The following CAMSAP2 variants were observed in gnomAD, a reference collection of about 807,000 sequenced individuals.
The protein encoded by CAMSAP2 is calmodulin-regulated spectrin-associated protein 2.
CAMSAP2 carries 26 observed loss-of-function variants against 146.1 expected under a neutral mutation model. The observed-to-expected ratio is 0.18, with a 90% confidence interval of 0.13 to 0.25. CAMSAP2 has a LOEUF of 0.25. CAMSAP2 is among the 10% of genes least tolerant of loss of function. The pLI, the probability that CAMSAP2 is intolerant of heterozygous loss-of-function variation, is 1.00. For missense variants in CAMSAP2, 1,381 were observed against 1,759.3 expected (o/e 0.78, Z 3.85); for synonymous variants, 499 against 596.6 (o/e 0.84, Z 2.38).
chr1:200,784,940 A>G (rs1558176283), intron 2 of CAMSAP2, among the ~76,000 whole-genome samples: 1 of 152,222 alleles, frequency 6.6e-6, no homozygotes, highest in African/African-American at 2.4e-5. Flanking sequence ...GCTAAGAAAT[A>G]TATGTATGTT....
chr1:200,839,559 A>C (rs781346040), intron 6 of CAMSAP2, among the ~76,000 whole-genome samples: 1 of 152,182 alleles, frequency 6.6e-6, no homozygotes, highest in African/African-American at 2.4e-5. Flanking sequence ...AGCAATTTGG[A>C]TGGAATTGGA....
chr1:200,760,758 C>T, intron 1 of CAMSAP2, 81 bp from the exon 2 acceptor site: 3 of 1,018,316 alleles, frequency 2.9e-6, no homozygotes, highest in South Asian at 2.0e-5. Flanking sequence ...AATTCTATGA[C>T]ATAAATAATA....
chr1:200,761,149 G>T, intron 2 of CAMSAP2, 51 bp downstream of exon 2: 1 of 1,517,096 alleles, frequency 6.6e-7, no homozygotes, highest in South Asian at 1.1e-5. Context: ...GTGTACTTTT[G>T]AGTGTGAATG....
chr1:200,819,740 A>C (rs937109507), intron 4 of CAMSAP2, among the ~76,000 whole-genome samples: 2 of 152,174 alleles, frequency 1.3e-5, no homozygotes, highest in African/African-American at 2.4e-5. Flanking sequence ...TGAGACAAAA[A>C]CAAAAGGTTG....
chr1:200,836,801 G>A (rs1157585502), intron 6 of CAMSAP2, among the ~76,000 whole-genome samples: 1 of 152,054 alleles, frequency 6.6e-6, no homozygotes, highest in Admixed American at 6.5e-5. Context: ...GTGTGAGATG[G>A]TATCTCATTG....
chr1:200,792,461 A>G (rs954236713), intron 2 of CAMSAP2, among the ~76,000 whole-genome samples: 4 of 152,132 alleles, frequency 2.6e-5, no homozygotes, highest in Admixed American at 6.6e-5. Context: ...CCTGGCCAAC[A>G]TGGTGAAACC....
At chr1:200,793,239 A>G (rs1202819862) in intron 2 of CAMSAP2, among the ~76,000 whole-genome samples, 1 of 152,188 alleles carries the variant, frequency 6.6e-6, no homozygotes, top group Non-Finnish European at 1.5e-5. Context: ...CTGCCTTATA[A>G]ATAGGTGTGA....
intron 7 of CAMSAP2, 98 bp downstream of exon 7, chr1:200,842,185 AT>A (rs149419826): frequency 9.5e-3 from 7,086 of 744,410 alleles, no homozygotes; most frequent in Non-Finnish European, 0.011. Flanking sequence ...TCAGCCTATT[AT>A]TTTTTTTTTA....
chr1:200,782,396 A>G (rs890342097), intron 2 of CAMSAP2, among the ~76,000 whole-genome samples: 1 of 152,230 alleles, frequency 6.6e-6, no homozygotes, highest in Admixed American at 6.5e-5. Flanking sequence ...TGTAGATACC[A>G]CTACAGTTGA....
At chr1:200,813,300 G>A (rs556727181) in intron 3 of CAMSAP2, among the ~76,000 whole-genome samples, 2 of 152,308 alleles carry the variant, frequency 1.3e-5, no homozygotes, top group South Asian at 2.1e-4. Flanking sequence ...GCCCCGAAAG[G>A]CTACACCTCT....
intron 2 of CAMSAP2, among the ~76,000 whole-genome samples, chr1:200,806,763 G>GTATCTA (rs747690657): frequency 8.3e-4 from 98 of 117,742 alleles, no homozygotes; most frequent in Middle Eastern, 4.3e-3. Flanking sequence ...GTGTGTGTGT[G>GTATCTA]TGTATCTATC....
chr1:200,746,441 T>C (rs1664325880), intron 1 of CAMSAP2, among the ~76,000 whole-genome samples: 1 of 152,068 alleles, frequency 6.6e-6, no homozygotes, highest in Non-Finnish European at 1.5e-5. Flanking sequence ...AGAGGGCCAG[T>C]GTATGTGTTT....
At chr1:200,772,987 T>G (rs1332771691) in intron 2 of CAMSAP2, among the ~76,000 whole-genome samples, 1 of 152,226 alleles carries the variant, frequency 6.6e-6, no homozygotes, top group African/African-American at 2.4e-5. Context: ...CTTTTAAATT[T>G]GTCAGATTTT....
chr1:200,752,203 AATT>A (rs1279728669), intron 1 of CAMSAP2, among the ~76,000 whole-genome samples: 1 of 152,230 alleles, frequency 6.6e-6, no homozygotes, highest in African/African-American at 2.4e-5. Context: ...GTGTACACAT[AATT>A]ATTATTTACA....
chr1:200,745,572 G>A (rs1664298728), intron 1 of CAMSAP2, among the ~76,000 whole-genome samples: 1 of 152,138 alleles, frequency 6.6e-6, no homozygotes, highest in African/African-American at 2.4e-5. Flanking sequence ...TGTAAGAGGT[G>A]GAAACAAAAT....
At chr1:200,829,315 A>G (rs1390525493) in intron 4 of CAMSAP2, among the ~76,000 whole-genome samples, 1 of 152,118 alleles carries the variant, frequency 6.6e-6, no homozygotes, top group Non-Finnish European at 1.5e-5. Flanking sequence ...GTACTTTGAG[A>G]GGCCAAGGTG....
chr1:200,800,756 T>C lies in CAMSAP2; in HGVS notation c.400-6620T>C, dbSNP rs139362786. On this transcript the variant is annotated intron_variant, in intron 2 of 16. Transcript: ENST00000358823. The stretch of plus-strand genomic sequence containing the variant: ...GTTAGTTGATGCAGTTTCTTCATAG[T>C]GTCGATGGTCTTTACAATTTGGTAT... Among the ~76,000 whole-genome samples, 1,143 of 152,324 alleles carry C rather than the reference T, an allele frequency of 7.5e-3. 12 individuals are homozygous for C. Among genetic ancestry groups the C allele is most frequent in the Middle Eastern group, 0.044 (13 of 294 alleles).
rs1247636776 is a variant in CAMSAP2, at chr1:200,832,277, G to A, written c.723G>A (p.Gly241=). 8 of 1,613,528 alleles carry A rather than the reference G, an allele frequency of 5.0e-6. No individual in the cohort carries two copies. Among genetic ancestry groups the A allele is most frequent in the African/African-American group, 1.3e-5 (1 of 74,968 alleles). Residue 241 remains glycine, a synonymous_variant, in exon 5 of 17, where the codon GGG becomes GGA. Transcript: ENST00000358823. The surrounding 1 kb of genome is among the most constrained non-coding windows in gnomAD (Gnocchi z 4.2). ...TGGTAGAAAATTTGTTGAAGGATGG[G>A]ACAGATGGCTGTGCATTAGCTGCCC... is the stretch of plus-strand genomic sequence containing the variant. The part of the protein sequence containing the change: ...IPLVENLLKD[G]TDGCALAALI...
intron 1 of CAMSAP2, among the ~76,000 whole-genome samples, chr1:200,740,759 G>C (rs1414656747): frequency 5.3e-5 from 8 of 152,080 alleles, no homozygotes; most frequent in African/African-American, 1.9e-4. Context: ...CCATAACCCA[G>C]TCTTTGCAAA....
Sources: gnomAD v4.1 joint callset for allele counts (sites outside exome capture counted in the v4.1 genomes callset) on GRCh38, gnomAD v4.1.1 for gene constraint, Gnocchi (gnomAD v3.1) non-coding constraint, MANE v1.5 for transcripts, NCBI Gene and HGNC (gene_info 2026-07-23, HGNC 2026-07-21) for gene names.